CELF5: variants seen among roughly 807,000 people sequenced by gnomAD.
The protein encoded by CELF5 is CUG-BP and ETR-3 like factor 5.
CELF5 carries 6 observed loss-of-function variants against 54.9 expected under a neutral mutation model. The ratio of observed to expected loss-of-function variants is 0.11; its 90% CI spans 0.06 to 0.22. CELF5 has a LOEUF of 0.22. Among genes scored for constraint, CELF5 ranks in the 10% least tolerant of loss-of-function variants. CELF5 has a pLI of 1.00. For missense variants in CELF5, 401 were observed against 678.6 expected, an observed-to-expected ratio of 0.59 and a Z score of 4.54; for synonymous variants, 271 against 290.9, an observed-to-expected ratio of 0.93 and a Z score of 0.70.
At chr19:3,260,623 T>A (rs1466454253) in intron 2 of CELF5, among the ~76,000 whole-genome samples, 3 of 142,350 alleles carry the variant, frequency 2.1e-5, no homozygotes, top group Non-Finnish European at 4.6e-5. Context: ...CCTGGCTAAT[T>A]TTTTTTTTTT....
In CELF5 at chr19:3,277,949, C is replaced by T. The variant is rs2080083218; in HGVS notation, c.524-82C>T. The T allele has an allele frequency of 1.3e-5, 14 of 1,042,244 alleles. No homozygotes were observed. The South Asian group carries it at 1.9e-4, about 14-fold the overall frequency. 64.6% of individuals were successfully genotyped at this position (1,042,244 alleles called of 1,614,324 possible). ...TGTCTGACACTGGCCATGTAGGTCT[C>T]TGTGTCCCCTCTCCTGTGGCCCCCG... On this transcript the variant is annotated intron_variant, in intron 4 of 12. Transcript: ENST00000292672.
chr19:3,270,329 A>G (rs1442650889), intron 2 of CELF5, among the ~76,000 whole-genome samples: 2 of 152,082 alleles, frequency 1.3e-5, no homozygotes, highest in Non-Finnish European at 2.9e-5. Flanking sequence ...GGACGCAGCC[A>G]TGGGGAGCCA....
At chr19:3,279,371 G>A (rs1302364259) in intron 5 of CELF5, among the ~76,000 whole-genome samples, 5 of 152,088 alleles carry the variant, frequency 3.3e-5, no homozygotes, top group African/African-American at 1.2e-4. Context: ...CCACATCTCC[G>A]AATCTGCTAC....
intron 9 of CELF5, 67 bp from the exon 10 acceptor site, chr19:3,285,875 A>G: frequency 3.6e-6 from 1 of 280,572 alleles, no homozygotes; most frequent in Non-Finnish European, 4.4e-6. Flanking sequence ...CTCCCCGCCC[A>G]GCGGCCCAGG....
At chr19:3,292,742 G>C (rs898391819) in intron 11 of CELF5, among the ~76,000 whole-genome samples, 13 of 152,058 alleles carry the variant, frequency 8.5e-5, no homozygotes, top group African/African-American at 1.2e-4. Flanking sequence ...GAGAAACAGA[G>C]ACAGTTAGCT....
intron 11 of CELF5, among the ~76,000 whole-genome samples, chr19:3,292,103 C>G (rs761275812): frequency 6.6e-6 from 1 of 151,908 alleles, no homozygotes; most frequent in Non-Finnish European, 1.5e-5. Flanking sequence ...CCCGCCATCA[C>G]GTCTGGCTAA....
intron 2 of CELF5, among the ~76,000 whole-genome samples, chr19:3,252,050 C>T (rs1002973748): frequency 6.6e-6 from 1 of 151,622 alleles, no homozygotes; most frequent in Admixed American, 6.6e-5. Context: ...TGAGTCTCTC[C>T]TTATTTTTAT....
intron 1 of CELF5, among the ~76,000 whole-genome samples, chr19:3,237,732 C>G (rs1007044565): frequency 2.6e-5 from 4 of 152,176 alleles, no homozygotes; most frequent in African/African-American, 9.7e-5. Context: ...CTGCCAACCT[C>G]CTATCTCATC....
At chr19:3,283,310 G>T (rs1052418553) in intron 8 of CELF5, among the ~76,000 whole-genome samples, 6 of 152,114 alleles carry the variant, frequency 3.9e-5, no homozygotes, top group Admixed American at 1.3e-4. Context: ...TTTCCACCAT[G>T]TAGGAGAATT....
chr19:3,262,472 A>AGACTGTTCTAGACAG (rs1257773042), intron 2 of CELF5, among the ~76,000 whole-genome samples: 5 of 152,194 alleles, frequency 3.3e-5, no homozygotes, highest in Non-Finnish European at 7.3e-5. Flanking sequence ...CAGAGCACAG[A>AGACTGTTCTAGACAG]TCCAGAGTGT....
intron 1 of CELF5, among the ~76,000 whole-genome samples, chr19:3,241,702 A>C (rs2079493530): frequency 6.6e-6 from 1 of 152,044 alleles, no homozygotes; most frequent in East Asian, 1.9e-4. Flanking sequence ...GAGCTCTCAC[A>C]GTTGAAATGG....
intron 2 of CELF5, among the ~76,000 whole-genome samples, chr19:3,271,271 C>A (rs1040753581): frequency 2.0e-5 from 3 of 152,036 alleles, no homozygotes; most frequent in Non-Finnish European, 4.4e-5. Context: ...GGCACCCCCC[C>A]GCTTCCAGCC....
chr19:3,268,866 G>T lies in CELF5; in HGVS notation c.343-5006G>T, dbSNP rs898601492. ...TTGAGGGGTAAGGATGGGGTGCAGC[G>T]GGGGGGCATTCTGTCACCAGCCACG... On this transcript the variant is annotated intron_variant, in intron 2 of 12. Coordinates refer to ENST00000292672, the MANE Select transcript of CELF5 (RefSeq NM_021938.4). This position sits in a 1 kb window ranked among gnomAD's most constrained non-coding sequence, Gnocchi z 4.4. Among the ~76,000 whole-genome samples the T allele has an allele frequency of 6.6e-6, 1 of 151,920 alleles. No individual in the cohort carries two copies. Among genetic ancestry groups the T allele is most frequent in the Non-Finnish European group, 1.5e-5 (1 of 67,984 alleles).
rs541069021 is a variant in CELF5 at position 3,225,784 on chromosome 19, G to T, written c.259+786G>T. 5.7e-4 allele frequency among the ~76,000 whole-genome samples: 62 copies of T among 108,590 alleles called. 1 individual carries two copies. The highest frequency in any genetic ancestry group is 2.1e-3 in the African/African-American group (62 of 28,916). The allele number at this position is 108,590 out of a possible 152,430, so 71.2% of individuals were successfully genotyped here. A position where few individuals can be genotyped will look rare whatever the true frequency, so the allele number is the denominator to read the frequency against. Reference sequence around the variant, plus strand: ...CATTTCTCTGCCCTCCCCCTCCCCCGCCTCCACCTTGGGCTCAAGTTGAAA... The same window carrying T: ...CATTTCTCTGCCCTCCCCCTCCCCCTCCTCCACCTTGGGCTCAAGTTGAAA... On this transcript the variant is annotated intron_variant, in intron 1 of 12. Coordinates refer to ENST00000292672, the MANE Select transcript of CELF5 (RefSeq NM_021938.4).
chr19:3,241,801 A>G (rs1025526552), intron 1 of CELF5, among the ~76,000 whole-genome samples: 1 of 152,092 alleles, frequency 6.6e-6, no homozygotes, highest in Non-Finnish European at 1.5e-5. Flanking sequence ...TGTTTGAGAC[A>G]GAGTCTCCCT....
At chr19:3,293,696 G>C (rs2080389854) in intron 12 of CELF5, 1 of 518,980 alleles carries the variant, frequency 1.9e-6, no homozygotes, top group Non-Finnish European at 3.5e-6. Flanking sequence ...GGGTGGGAAT[G>C]GGGTAGGGAC....
chr19:3,281,387 CTCTCAG>C lies in CELF5; in HGVS notation c.750+47_750+52del, dbSNP rs757414117. 3 of 1,571,866 alleles carry C rather than the reference CTCTCAG, an allele frequency of 1.9e-6. No individual in the cohort carries two copies. In the African/African-American group the frequency reaches 4.0e-5, roughly 21 times the overall value. ...CAGCTTCGGGGCTCCGGCTCCGTCT[CTCTCAG>C]TCTCTGTCTACTCTCTGTCGGGCTC... On this transcript the variant is annotated intron_variant, in intron 6 of 12. Coordinates refer to ENST00000292672, the MANE Select transcript of CELF5 (RefSeq NM_021938.4). This position sits in a 1 kb window ranked among gnomAD's most constrained non-coding sequence, Gnocchi z 6.5.
At chr19:3,253,109 A>AAG (rs1568340313) in intron 2 of CELF5, among the ~76,000 whole-genome samples, 7 of 151,976 alleles carry the variant, frequency 4.6e-5, no homozygotes, top group African/African-American at 1.4e-4. Context: ...ATTAAAAAAA[A>AAG]AAAGAAAGAA....
intron 1 of CELF5, among the ~76,000 whole-genome samples, chr19:3,241,512 G>A (rs2079490706): frequency 6.6e-6 from 1 of 151,932 alleles, no homozygotes. Context: ...CTCTCCAGGT[G>A]TGCAGCAAGG....
Sources: allele counts gnomAD v4.1 joint callset (sites outside exome capture counted in the v4.1 genomes callset), GRCh38; gene constraint gnomAD v4.1.1; non-coding constraint Gnocchi (gnomAD v3.1); transcripts MANE v1.5; gene names NCBI Gene and HGNC (gene_info 2026-07-23, HGNC 2026-07-21).